Variants in MLPH observed in about 807,000 individuals in gnomAD.
The protein encoded by MLPH is exophilin-3.
Under a neutral mutation model 72.1 loss-of-function variants are expected in MLPH, and 51 were observed. The observed-to-expected ratio is 0.71, with a 90% CI of 0.56 to 0.89. The LOEUF is 0.89. MLPH is among the 40% of genes least tolerant of loss of function. The pLI is 0.00. For missense variants in MLPH, 743 were observed against 759.9 expected (o/e 0.98, Z 0.26); for synonymous variants, 301 against 310.1 (o/e 0.97, Z 0.31).
At chr2:237,533,396 T>C (rs1348386102) in intron 8 of MLPH, among the ~76,000 whole-genome samples, 9 of 139,834 alleles carry the variant, frequency 6.4e-5, no homozygotes, top group Non-Finnish European at 1.1e-4. Flanking sequence ...TTTTCTTTTT[T>C]TTTTTTTTTT....
intron 4 of MLPH, among the ~76,000 whole-genome samples, chr2:237,515,287 T>C (rs940771063): frequency 1.6e-4 from 25 of 152,054 alleles, no homozygotes; most frequent in African/African-American, 6.0e-4. Flanking sequence ...GCGTCGGTGA[T>C]TGATTGAGTA....
intron 8 of MLPH, among the ~76,000 whole-genome samples, chr2:237,529,187 C>G (rs971424303): frequency 6.6e-6 from 1 of 151,984 alleles, no homozygotes; most frequent in Non-Finnish European, 1.5e-5. Context: ...GGATCACAGG[C>G]GCCCACCACC....
At position 237,542,551 on chromosome 2, in the gene MLPH, T is replaced by G. The variant is rs1210482040; in HGVS notation, c.1447-16T>G. On this transcript the variant is annotated splice_polypyrimidine_tract_variant and intron_variant, in intron 11 of 15. Coordinates refer to ENST00000264605, the MANE Select transcript of MLPH (RefSeq NM_024101.7). ...GCGTCTGTCTGACGGGCCTTCTGTC[T>G]GCTGTCCTCTCGCAGGTTTCAGACA... The G allele has an allele frequency of 6.3e-7, 1 of 1,580,920 alleles. No homozygotes were observed. Among genetic ancestry groups the G allele is most frequent in the African/African-American group, 1.3e-5 (1 of 74,458 alleles).
Position 237,504,493 on chromosome 2 carries a change from C to T in MLPH, c.111-6081C>T, listed in dbSNP as rs188487757. On this transcript the variant is annotated intron_variant, in intron 2 of 15. Transcript: ENST00000264605. ...TTGGCCTCCCAAAGTGCTGGGATTA[C>T]AGGTGTGAGCCACCGCAACTGACCA... Among the ~76,000 whole-genome samples the T allele has an allele frequency of 1.8e-3, 274 of 152,342 alleles. 1 individual carries two copies. Among genetic ancestry groups the T allele is most frequent in the Middle Eastern group, 0.017 (5 of 294 alleles).
At chr2:237,545,273 G>C (rs1475812834) in intron 12 of MLPH, among the ~76,000 whole-genome samples, 1 of 151,606 alleles carries the variant, frequency 6.6e-6, no homozygotes, top group Non-Finnish European at 1.5e-5. Context: ...CAACCCAGTT[G>C]AGTTGGTGCC....
At chr2:237,527,265 C>A in intron 7 of MLPH, 112 bp from the exon 8 acceptor site, 1 of 1,353,188 alleles carries the variant, frequency 7.4e-7, no homozygotes, top group Non-Finnish European at 1.1e-6. Context: ...GTAACATGAA[C>A]ATCCTTATGT....
chr2:237,503,831 C>A (rs534830994), intron 2 of MLPH, among the ~76,000 whole-genome samples: 1 of 152,236 alleles, frequency 6.6e-6, no homozygotes, highest in East Asian at 1.9e-4. Context: ...TAATCCCCCC[C>A]AAAAAGATGT....
At position 237,510,601 on chromosome 2, in the gene MLPH, A is replaced by G; in HGVS notation, c.138A>G (p.Glu46=). The G allele has an allele frequency of 6.2e-7, 1 of 1,613,480 alleles. No individual in the cohort carries two copies. The highest frequency in any genetic ancestry group is 1.1e-5 in the South Asian group (1 of 91,076). ...CGTTGAAGGGCAAGATTAAGAAGGA[A>G]AGCTCCAAGAGGGAGCTGCTTTCCG... is the stretch of plus-strand genomic sequence containing the variant. ...LEALKGKIKK[E]SSKRELLSDT... Residue 46 remains glutamate (E), a synonymous_variant, in exon 3 of 16, where the codon GAA becomes GAG. Coordinates refer to ENST00000264605, the MANE Select transcript of MLPH (RefSeq NM_024101.7). The surrounding 1 kb of genome is among the most constrained non-coding windows in gnomAD (Gnocchi z 4.4).
At chr2:237,520,950 A>G (rs2080169587) in intron 6 of MLPH, among the ~76,000 whole-genome samples, 1 of 152,190 alleles carries the variant, frequency 6.6e-6, no homozygotes, top group Admixed American at 6.5e-5. Flanking sequence ...TGGGTATTTT[A>G]GTTTAAGGTT....
At chr2:237,511,267 C>CT (rs369873696) in intron 4 of MLPH, 166 bp downstream of exon 4, 5,547 of 477,198 alleles carry the variant, frequency 0.012, no homozygotes, top group East Asian at 0.016. Context: ...CTTCTGGCTG[C>CT]TTTTTTTTTT....
intron 1 of MLPH, among the ~76,000 whole-genome samples, chr2:237,489,738 G>C (rs1052933541): frequency 6.6e-6 from 1 of 152,140 alleles, no homozygotes; most frequent in Non-Finnish European, 1.5e-5. Flanking sequence ...TTGTTCCAAG[G>C]CTCCCCAAGC....
At chr2:237,506,111 T>G (rs1182711248) in intron 2 of MLPH, among the ~76,000 whole-genome samples, 2 of 152,242 alleles carry the variant, frequency 1.3e-5, no homozygotes, top group South Asian at 2.1e-4. Flanking sequence ...TCAGGACCCC[T>G]TCACATTTCC....
At chr2:237,529,822 G>A (rs2080381134) in intron 8 of MLPH, among the ~76,000 whole-genome samples, 1 of 152,238 alleles carries the variant, frequency 6.6e-6, no homozygotes, top group South Asian at 2.1e-4. Flanking sequence ...AGCTCCTTGG[G>A]CATGGTGATG....
chr2:237,492,979 C>T (rs2079457575), intron 1 of MLPH, among the ~76,000 whole-genome samples: 1 of 152,196 alleles, frequency 6.6e-6, no homozygotes, highest in South Asian at 2.1e-4. Flanking sequence ...GAAGTTTCCT[C>T]TTTTCTGTGC....
intron 4 of MLPH, among the ~76,000 whole-genome samples, chr2:237,514,793 G>T (rs577872841): frequency 3.9e-5 from 6 of 152,284 alleles, no homozygotes; most frequent in South Asian, 2.1e-4. Context: ...AGTAAAAAAT[G>T]TACCATGCTG....
chr2:237,502,750 CAG>C (rs2079678339), intron 2 of MLPH, among the ~76,000 whole-genome samples: 1 of 152,178 alleles, frequency 6.6e-6, no homozygotes, highest in Admixed American at 6.5e-5. Flanking sequence ...TCTCTGCAAA[CAG>C]AGGAGGTTCA....
intron 8 of MLPH, among the ~76,000 whole-genome samples, chr2:237,529,081 T>C (rs2080365751): frequency 6.6e-6 from 1 of 152,048 alleles, no homozygotes. Flanking sequence ...GTTGCTCTGT[T>C]ACCCAGGCTG....
intron 9 of MLPH, among the ~76,000 whole-genome samples, chr2:237,536,971 A>G (rs561836503): frequency 6.6e-6 from 1 of 152,332 alleles, no homozygotes; most frequent in Admixed American, 6.5e-5. Flanking sequence ...CAGACTCCAC[A>G]TGGGACCTGC....
In MLPH at chr2:237,511,094, G is replaced by C; in HGVS notation, c.438G>C (p.Gln146His). The C allele has an allele frequency of 1.2e-6, 2 of 1,613,310 alleles. No homozygotes were observed. The highest frequency in any genetic ancestry group is 1.7e-6 in the Non-Finnish European group (2 of 1,179,462). The change falls in exon 4 of 16, where the codon CAG becomes CAC. Residue 146 changes from glutamine to histidine, a missense_variant. Gln to His is a conservative substitution (Grantham distance 24). Coordinates refer to ENST00000264605, the MANE Select transcript of MLPH (RefSeq NM_024101.7). ...TCCGGTCCCTCCACGGGCGGCTGCA[G>C]GGTGGAGGTAAGGAGTGGAGAGTAA... ...KVIRSLHGRL[Q>H]GGAGPELISE...
Sources: gnomAD v4.1 joint callset for allele counts (sites outside exome capture counted in the v4.1 genomes callset) on GRCh38, gnomAD v4.1.1 for gene constraint, Gnocchi (gnomAD v3.1) non-coding constraint, MANE v1.5 for transcripts, NCBI Gene and HGNC (gene_info 2026-07-23, HGNC 2026-07-21) for gene names.